The following NEK10 variants were observed in gnomAD, a reference collection of about 807,000 sequenced individuals.
The protein encoded by NEK10 is NIMA related kinase 10.
In NEK10, 122 loss-of-function variants were observed where a neutral mutation model predicts 159.8. The observed-to-expected ratio is 0.76, with a 90% confidence interval of 0.66 to 0.89. The LOEUF (loss-of-function observed/expected upper bound fraction) is 0.89, where lower values mean the gene tolerates loss of function less well. NEK10 is among the 40% of genes least tolerant of loss of function. The pLI, the probability that NEK10 is intolerant of heterozygous loss-of-function variation, is 0.00. For missense variants in NEK10, 1,342 were observed against 1,323.1 expected (o/e 1.01, Z -0.22); for synonymous variants, 466 against 457.1 (o/e 1.02, Z -0.25).
intron 23 of NEK10, among the ~76,000 whole-genome samples, chr3:27,226,018 A>C (rs796592907): frequency 1.3e-5 from 2 of 152,256 alleles, no homozygotes; most frequent in East Asian, 3.9e-4. Context: ...GTCCCAAACC[A>C]AATAAAATAC....
intron 23 of NEK10, among the ~76,000 whole-genome samples, chr3:27,216,097 A>G (rs974089687): frequency 1.3e-5 from 2 of 152,246 alleles, no homozygotes; most frequent in African/African-American, 4.8e-5. Flanking sequence ...TTAAATTGAC[A>G]TACACATTAA....
Position 27,201,554 on chromosome 3 carries a change from G to T in NEK10, c.2247C>A (p.Val749=). 1.9e-6 allele frequency: 3 copies of T among 1,613,472 alleles called. No homozygotes were observed. The highest frequency in any genetic ancestry group is 1.3e-5 in the African/African-American group (1 of 74,958). ...CTTTTTCAGAGTAGATACCTTCTGGGACTGGTTCATATACCGCCTCCACTA... is the reference window on the plus strand; with the variant it reads ...CTTTTTCAGAGTAGATACCTTCTGGTACTGGTTCATATACCGCCTCCACTA... ...TKIVEAVYEP[V]PEGIYSEKVT... is the part of the protein sequence containing the mutation. The change falls in exon 25 of 36, where the codon GTC becomes GTA. Residue 749 remains valine (V), a synonymous_variant. Transcript: ENST00000691995.
intron 22 of NEK10, among the ~76,000 whole-genome samples, chr3:27,258,328 T>C (rs202222191): frequency 6.6e-6 from 1 of 151,950 alleles, no homozygotes; most frequent in African/African-American, 2.4e-5. Context: ...CAGTAACTCG[T>C]CATTTAACAT....
chr3:27,179,178 A>G (rs1947817247), intron 26 of NEK10, among the ~76,000 whole-genome samples: 2 of 152,134 alleles, frequency 1.3e-5, no homozygotes, highest in South Asian at 4.1e-4. Flanking sequence ...TTAAATCTAA[A>G]CCAGAAAAAC....
intron 5 of NEK10, among the ~76,000 whole-genome samples, chr3:27,336,266 C>A (rs1252521725): frequency 1.3e-5 from 2 of 151,924 alleles, no homozygotes; most frequent in Non-Finnish European, 2.9e-5. Context: ...GGATAAATTC[C>A]TAGAAACTAC....
intron 15 of NEK10, 101 bp downstream of exon 15, chr3:27,295,511 AC>A (rs1224418824): frequency 7.2e-7 from 1 of 1,387,454 alleles, no homozygotes; most frequent in East Asian, 2.6e-5. Context: ...CAGTACAGGG[AC>A]CAGTACTAAC....
intron 22 of NEK10, among the ~76,000 whole-genome samples, chr3:27,282,571 T>TTTTATATA (rs1553616074): frequency 2.3e-5 from 1 of 43,122 alleles, no homozygotes; most frequent in African/African-American, 1.6e-4. Flanking sequence ...CATAACTGTG[T>TTTTATATA]TATATATATA....
intron 23 of NEK10, among the ~76,000 whole-genome samples, chr3:27,250,912 C>T (rs965354552): frequency 6.6e-6 from 1 of 152,070 alleles, no homozygotes; most frequent in African/African-American, 2.4e-5. Context: ...TAGGTTAAAT[C>T]CGCCTAGTGT....
At chr3:27,237,943 A>T (rs577339594) in intron 23 of NEK10, among the ~76,000 whole-genome samples, 1 of 152,160 alleles carries the variant, frequency 6.6e-6, no homozygotes, top group Non-Finnish European at 1.5e-5. Flanking sequence ...CACCCTCAAG[A>T]GTAGAGAAGA....
intron 1 of NEK10, among the ~76,000 whole-genome samples, chr3:27,353,793 G>A (rs1163827773): frequency 6.6e-6 from 1 of 152,020 alleles, no homozygotes; most frequent in Non-Finnish European, 1.5e-5. Flanking sequence ...AGCTATTACA[G>A]GTATGCGTTT....
intron 31 of NEK10, among the ~76,000 whole-genome samples, chr3:27,136,595 T>C (rs1021848932): frequency 3.5e-4 from 54 of 152,304 alleles, no homozygotes; most frequent in African/African-American, 1.2e-3. Flanking sequence ...TCACCTTATA[T>C]GTCCAAAGGT....
chr3:27,142,172 A>G (rs1943850850), intron 30 of NEK10, among the ~76,000 whole-genome samples: 1 of 152,210 alleles, frequency 6.6e-6, no homozygotes, highest in Non-Finnish European at 1.5e-5. Context: ...CTGAATTCTC[A>G]TCATACAGCC....
Position 27,174,696 on chromosome 3 carries a change from G to T in NEK10, c.2643C>A (p.Asp881Glu). The change falls in exon 27 of 36, where the codon GAC becomes GAA. Residue 881 changes from aspartate (D) to glutamate (E), a missense_variant. By Grantham distance (45) the Asp-to-Glu change is conservative (BLOSUM62 2). Transcript: ENST00000691995. ...TGAAGTTATCATCTGACAGGATTTCGTCACAGGCCCTGTCTTCGTCTTTAC... is the reference window on the plus strand; with the variant it reads ...TGAAGTTATCATCTGACAGGATTTCTTCACAGGCCCTGTCTTCGTCTTTAC... ...SYGKDEDRAC[D>E]EILSDDNFNL... 6.2e-7 allele frequency: 1 copy of T among 1,613,216 alleles called. No individual in the cohort carries two copies.
chr3:27,361,072 T>C (rs1447306149), intron 1 of NEK10, among the ~76,000 whole-genome samples: 1 of 152,216 alleles, frequency 6.6e-6, no homozygotes. Flanking sequence ...CTCTGGCTAA[T>C]ACTGGCCCAT....
chr3:27,334,139 C>A (rs1441182598), intron 5 of NEK10, among the ~76,000 whole-genome samples: 1 of 152,198 alleles, frequency 6.6e-6, no homozygotes, highest in East Asian at 1.9e-4. Flanking sequence ...CCACCACTGG[C>A]ACCTAAACCC....
intron 31 of NEK10, among the ~76,000 whole-genome samples, chr3:27,138,004 C>T (rs2125558028): frequency 6.6e-6 from 1 of 152,354 alleles, no homozygotes; most frequent in Admixed American, 6.5e-5. Flanking sequence ...CCCTTGCCAT[C>T]TAGCAGGATG....
intron 22 of NEK10, among the ~76,000 whole-genome samples, chr3:27,256,890 C>G (rs1956238481): frequency 6.6e-6 from 1 of 150,580 alleles, no homozygotes; most frequent in Non-Finnish European, 1.5e-5. Flanking sequence ...AAAATATCTT[C>G]AGGTACTTCT....
rs1426823525 is a variant in NEK10, at chr3:27,192,240, CA to C, written c.2293del (p.Cys765AlafsTer13). ...SEKVTDTISRCLTPDAEARPD... is the reference protein window; with the variant it reads ...SEKVTDTISRXLTPDAEARPD... ...ACGAGCTTCCGCATCAGGAGTGAGG[CA>C]CCTAAGATAACATGAGATAATTATA... is the stretch of plus-strand genomic sequence containing the variant. On this transcript the variant is annotated frameshift_variant and splice_region_variant, in exon 26 of 36. Transcript: ENST00000691995. LOFTEE classifies it high-confidence loss of function. 2.5e-6 allele frequency: 4 copies of C among 1,611,772 alleles called. No homozygotes were observed. The highest frequency in any genetic ancestry group is 3.4e-6 in the Non-Finnish European group (4 of 1,177,940).
intron 35 of NEK10, among the ~76,000 whole-genome samples, chr3:27,115,276 T>G (rs1940231824): frequency 6.6e-6 from 1 of 152,334 alleles, no homozygotes; most frequent in South Asian, 2.1e-4. Flanking sequence ...AAAACCTTTC[T>G]TGAATAACTT....
Sources: gnomAD v4.1 joint callset for allele counts (sites outside exome capture counted in the v4.1 genomes callset) on GRCh38, gnomAD v4.1.1 for gene constraint, MANE v1.5 for transcripts, NCBI Gene and HGNC (gene_info 2026-07-23, HGNC 2026-07-21) for gene names.